The following PLCZ1 variants were observed in gnomAD, a reference collection of about 807,000 sequenced individuals.
PLCZ1 encodes the protein 1-phosphatidylinositol 4,5-bisphosphate phosphodiesterase zeta-1.
Under a neutral mutation model 76.8 loss-of-function variants are expected in PLCZ1, and 64 were observed. That is an observed-to-expected ratio of 0.83 (90% confidence interval 0.68 to 1.03). The LOEUF (loss-of-function observed/expected upper bound fraction) is 1.03, where lower values mean the gene tolerates loss of function less well. PLCZ1 is among the 50% of genes least tolerant of loss of function. PLCZ1 has a pLI of 0.00. For synonymous variants in PLCZ1, 248 were observed against 230.8 expected (o/e 1.07, Z -0.68); for missense variants, 751 against 713.7 (o/e 1.05, Z -0.60).
At chr12:18,656,740 A>G in the PLCZ1 span, among the ~76,000 whole-genome samples, 1 of 69,752 alleles carries the variant, frequency 1.4e-5, no homozygotes, top group Non-Finnish European at 2.8e-5. Context: ...GTCTCAAACA[A>G]CAGCAACAAC....
At chr12:18,650,345 ATATGTGTGTGTGTG>A in the PLCZ1 span, among the ~76,000 whole-genome samples, 17 of 127,730 alleles carry the variant, frequency 1.3e-4, no homozygotes, top group South Asian at 2.9e-3. Flanking sequence ...ATATATATAT[ATATGTGTGTGTGTG>A]TGTGTGTGTG....
intron 14 of PLCZ1, chr12:18,683,634 G>T: frequency 7.3e-7 from 1 of 1,379,238 alleles, no homozygotes. Context: ...CTCAGATGCT[G>T]TTAGAAAAGT....
intron 13 of PLCZ1, chr12:18,685,687 C>T (rs1251745920): frequency 5.9e-6 from 3 of 512,786 alleles, no homozygotes; most frequent in Non-Finnish European, 1.2e-5. Flanking sequence ...TCATGGGGTA[C>T]AGAGGCAGGT....
At chr12:18,668,948 C>T in the PLCZ1 span, among the ~76,000 whole-genome samples, 10 of 151,956 alleles carry the variant, frequency 6.6e-5, no homozygotes, top group Non-Finnish European at 1.2e-4. Flanking sequence ...AAGAAAAAAT[C>T]GTGAATAAGA....
At chr12:18,722,217 T>TC (rs34205796) in intron 4 of PLCZ1, among the ~76,000 whole-genome samples, 134,128 of 150,760 alleles carry the variant, frequency 0.89, 59,332 homozygotes, top group East Asian at 1. Flanking sequence ...TCCATCACCT[T>TC]CTTGCTCTAT....
the PLCZ1 span, among the ~76,000 whole-genome samples, chr12:18,671,935 A>T: frequency 6.6e-6 from 1 of 152,134 alleles, no homozygotes; most frequent in African/African-American, 2.4e-5. Flanking sequence ...TTGACTTGGT[A>T]GAGTGGGCAT....
At chr12:18,708,536 T>G (rs931892062) in intron 6 of PLCZ1, among the ~76,000 whole-genome samples, 2 of 152,200 alleles carry the variant, frequency 1.3e-5, no homozygotes, top group Non-Finnish European at 1.5e-5. Flanking sequence ...GAAGAGGGAT[T>G]ACTGGGTCAT....
chr12:18,696,348 A>ATATATATATATATATATATATCTATC (rs10523511), intron 10 of PLCZ1, 82 bp from the exon 11 acceptor site: 2 of 214,170 alleles, frequency 9.3e-6, no homozygotes, highest in Admixed American at 6.9e-5. Context: ...ATATATATAT[A>ATATATATATATATATATATATCTATC]TATCATATAA....
intron 12 of PLCZ1, among the ~76,000 whole-genome samples, chr12:18,694,472 G>A (rs1214125141): frequency 6.6e-6 from 1 of 152,066 alleles, no homozygotes; most frequent in Admixed American, 6.6e-5. Context: ...GACATATGGG[G>A]GGAAGAATCC....
At chr12:18,710,504 T>C (rs1957169022) in intron 6 of PLCZ1, among the ~76,000 whole-genome samples, 1 of 151,974 alleles carries the variant, frequency 6.6e-6, no homozygotes, top group Non-Finnish European at 1.5e-5. Flanking sequence ...TCAGCTTTTA[T>C]TTTGAGTGAG....
chr12:18,720,773 C>T (rs1958392074), intron 4 of PLCZ1, among the ~76,000 whole-genome samples: 1 of 151,866 alleles, frequency 6.6e-6, no homozygotes, highest in Non-Finnish European at 1.5e-5. Context: ...TACAAGAATG[C>T]TCACATTAGC....
intron 7 of PLCZ1, among the ~76,000 whole-genome samples, chr12:18,704,296 T>C (rs529527522): frequency 6.6e-6 from 1 of 152,040 alleles, no homozygotes; most frequent in Non-Finnish European, 1.5e-5. Flanking sequence ...GACAAGAAAA[T>C]GAAAATTTGG....
At chr12:18,657,235 G>C in the PLCZ1 span, among the ~76,000 whole-genome samples, 1 of 152,236 alleles carries the variant, frequency 6.6e-6, no homozygotes, top group South Asian at 2.1e-4. Flanking sequence ...TTTACTAACT[G>C]AAAAACCTGG....
intron 6 of PLCZ1, among the ~76,000 whole-genome samples, chr12:18,710,516 C>G (rs1392412902): frequency 6.6e-6 from 1 of 151,736 alleles, no homozygotes; most frequent in South Asian, 2.1e-4. Flanking sequence ...TTGAGTGAGG[C>G]CGAAGGCTTT....
chr12:18,701,495 C>T lies in PLCZ1; in HGVS notation c.1017+6G>A, dbSNP rs750067983. The T allele has an allele frequency of 6.8e-6, 11 of 1,613,956 alleles. No homozygotes were observed. Among genetic ancestry groups the T allele is most frequent in the African/African-American group, 2.7e-5 (2 of 75,008 alleles). Reference sequence around the variant, plus strand: ...CTTGTAAGATTTTCACAAAACACCACCTCACCTTCTTTTTCTTGAAAAGCA... The same window carrying T: ...CTTGTAAGATTTTCACAAAACACCATCTCACCTTCTTTTTCTTGAAAAGCA... On this transcript the variant is annotated splice_donor_region_variant and intron_variant, in intron 9 of 14. Transcript: ENST00000266505.
the PLCZ1 span, among the ~76,000 whole-genome samples, chr12:18,671,486 A>G: frequency 0.39 from 59,720 of 151,956 alleles, 14,270 homozygotes; most frequent in South Asian, 0.6. Flanking sequence ...ATCACACATG[A>G]GATCAGCACT....
At chr12:18,704,015 T>C (rs1956267927) in intron 7 of PLCZ1, among the ~76,000 whole-genome samples, 1 of 152,062 alleles carries the variant, frequency 6.6e-6, no homozygotes, top group South Asian at 2.1e-4. Flanking sequence ...CTGATAAAAT[T>C]TGGGATAGGG....
In PLCZ1 at chr12:18,712,956, CTCCAAACAACGGCA is replaced by C; in HGVS notation, c.586_599del (p.Cys196AspfsTer2). Reference sequence around the variant, plus strand: ...TTTGTGCTCCATCCCAGCAGTCAATCTCCAAACAACGGCATCCTTTCACAAGGGCACTAGCAAAA... The same window carrying C: ...TTTGTGCTCCATCCCAGCAGTCAATCTCCTTTCACAAGGGCACTAGCAAAA... On this transcript the variant is annotated frameshift_variant, in exon 6 of 15. Coordinates refer to ENST00000266505, the MANE Select transcript of PLCZ1 (RefSeq NM_033123.4). LOFTEE classifies it high-confidence loss of function. 1 of 1,613,948 alleles carries C rather than the reference CTCCAAACAACGGCA, an allele frequency of 6.2e-7. No homozygotes were observed. The highest frequency in any genetic ancestry group is 8.5e-7 in the Non-Finnish European group (1 of 1,179,856).
chr12:18,730,162 A>G (rs1958963570), intron 3 of PLCZ1, among the ~76,000 whole-genome samples: 1 of 152,164 alleles, frequency 6.6e-6, no homozygotes, highest in Non-Finnish European at 1.5e-5. Flanking sequence ...AAGAATCTCT[A>G]GTGCTCTGAG....
Sources: gnomAD v4.1 joint callset for allele counts (sites outside exome capture counted in the v4.1 genomes callset) on GRCh38, gnomAD v4.1.1 for gene constraint, MANE v1.5 for transcripts, NCBI Gene and HGNC (gene_info 2026-07-23, HGNC 2026-07-21) for gene names.